Variants in GINM1 observed in about 807,000 individuals in gnomAD.
The protein encoded by GINM1 is glycosylated integral membrane protein 1.
GINM1 carries 29 observed loss-of-function variants against 37.8 expected under a neutral mutation model. The observed-to-expected ratio is 0.77, with a 90% CI of 0.57 to 1.05. GINM1 has a LOEUF of 1.05. Among genes scored for constraint, GINM1 ranks in the 50% least tolerant of loss-of-function variants. The pLI, the probability that GINM1 is intolerant of heterozygous loss-of-function variation, is 0.00. For synonymous variants in GINM1, 143 were observed against 146.2 expected (o/e 0.98, Z 0.16); for missense variants, 377 against 397.9 (o/e 0.95, Z 0.45).
chr6:149,570,264 C>G (rs1021029468), intron 1 of GINM1, among the ~76,000 whole-genome samples: 2 of 142,482 alleles, frequency 1.4e-5, no homozygotes, highest in African/African-American at 2.6e-5. Flanking sequence ...AAATGGTTTC[C>G]TAGAACAACA....
chr6:149,580,561 AT>A, intron 5 of GINM1, 31 bp from the exon 6 acceptor site: 1 of 1,591,452 alleles, frequency 6.3e-7, no homozygotes, highest in Non-Finnish European at 8.6e-7. Flanking sequence ...AGACACCAGC[AT>A]TTTGGTAACG....
intron 7 of GINM1, among the ~76,000 whole-genome samples, chr6:149,589,822 A>G (rs1006146693): frequency 6.6e-6 from 1 of 151,960 alleles, no homozygotes. Flanking sequence ...TTTTTGAGAC[A>G]GGGGCTAACT....
chr6:149,576,517 A>G (rs1012056729), intron 3 of GINM1, among the ~76,000 whole-genome samples: 1 of 152,170 alleles, frequency 6.6e-6, no homozygotes, highest in Non-Finnish European at 1.5e-5. Flanking sequence ...TTGGGAGGCT[A>G]AGGCTGGAGG....
intron 7 of GINM1, among the ~76,000 whole-genome samples, chr6:149,585,657 A>G (rs1399892593): frequency 1.3e-5 from 2 of 152,164 alleles, no homozygotes; most frequent in Admixed American, 6.5e-5. Flanking sequence ...CAGTGGCACA[A>G]TCTCGGCTCG....
chr6:149,586,070 T>C (rs1052825987), intron 7 of GINM1, among the ~76,000 whole-genome samples: 18 of 152,180 alleles, frequency 1.2e-4, no homozygotes, highest in African/African-American at 4.3e-4. Context: ...TTAAGCCATT[T>C]TGTGTTGCTT....
At position 149,569,665 on chromosome 6, in the gene GINM1, C is replaced by A. The variant is rs115977336; in HGVS notation, c.121-2620C>A. 1.6e-3 allele frequency among the ~76,000 whole-genome samples: 246 copies of A among 152,190 alleles called. 1 individual carries two copies. The highest frequency in any genetic ancestry group is 5.6e-3 in the African/African-American group (231 of 41,524). ...AAAATAAAAGTCTTTATAGTAAATT[C>A]TTCTAATACTAAAATAACTTGGTCA... On this transcript the variant is annotated intron_variant, in intron 1 of 7. Transcript: ENST00000367419.
intron 1 of GINM1, among the ~76,000 whole-genome samples, chr6:149,569,540 T>C (rs1019766010): frequency 6.6e-6 from 1 of 150,416 alleles, no homozygotes; most frequent in African/African-American, 2.5e-5. Flanking sequence ...GGTTTCACCA[T>C]GTTGGCTAGC....
At chr6:149,577,318 G>A (rs542047354) in intron 3 of GINM1, 2 of 152,334 alleles carry the variant, frequency 1.3e-5, no homozygotes, top group African/African-American at 4.8e-5. Flanking sequence ...GGAGACCCAC[G>A]GGTGGTAATG....
At chr6:149,579,778 T>G (rs1486624451) in intron 4 of GINM1, 56 bp from the exon 5 acceptor site, 2 of 1,158,706 alleles carry the variant, frequency 1.7e-6, no homozygotes, top group African/African-American at 3.2e-5. Context: ...GCTTTTAAAT[T>G]TTTATGGGGC....
At chr6:149,581,959 G>A (rs1187381395) in intron 6 of GINM1, 4 of 460,220 alleles carry the variant, frequency 8.7e-6, no homozygotes, top group South Asian at 1.6e-5. Context: ...TTCTGCTCTC[G>A]CTCTTAAAGT....
chr6:149,568,353 C>T (rs1777754351), intron 1 of GINM1, among the ~76,000 whole-genome samples: 1 of 152,226 alleles, frequency 6.6e-6, no homozygotes, highest in Non-Finnish European at 1.5e-5. Context: ...TGATCTAAGT[C>T]TTCTCAACGT....
chr6:149,574,081 G>C (rs1469448164), intron 3 of GINM1, among the ~76,000 whole-genome samples: 9 of 119,950 alleles, frequency 7.5e-5, no homozygotes, highest in African/African-American at 2.8e-4. Context: ...TGGAGTTTTT[G>C]CTCTTGTTGT....
In GINM1 at chr6:149,582,454, G is replaced by T. The variant is rs1054260366; in HGVS notation, c.732G>T (p.Trp244Cys). The T allele has an allele frequency of 2.5e-6, 4 of 1,605,122 alleles. No individual in the cohort carries two copies. The African/African-American group carries it at 5.4e-5, about 22-fold the overall frequency. ...TCCTTTTTCAGGTAATGTGTCAGTG[G>T]ATGGAAAAGTTTAGAAAAGATCTGT... is the stretch of plus-strand genomic sequence containing the variant. Reference protein sequence around the residue: ...PPSSYKVMCQWMEKFRKDLCR... With the variant: ...PPSSYKVMCQCMEKFRKDLCR... The change falls in exon 7 of 8, where the codon TGG (tryptophan) becomes TGT (cysteine). Residue 244 changes from tryptophan (W) to cysteine (C), a missense_variant. Transcript: ENST00000367419.
At chr6:149,583,546 T>C (rs140088766) in intron 7 of GINM1, among the ~76,000 whole-genome samples, 234 of 151,796 alleles carry the variant, frequency 1.5e-3, no homozygotes, top group African/African-American at 4.3e-3. Flanking sequence ...GGAGAATCGC[T>C]TGAACCCGGA....
chr6:149,571,341 C>T (rs1777819286), intron 1 of GINM1, among the ~76,000 whole-genome samples: 1 of 149,390 alleles, frequency 6.7e-6, no homozygotes, highest in South Asian at 2.1e-4. Flanking sequence ...GTCATTGCAA[C>T]TTTATTTATA....
In GINM1 at chr6:149,572,381, C is replaced by G. The variant is rs576738752; in HGVS notation, c.180+37C>G. 3 of 1,422,216 alleles carry G rather than the reference C, an allele frequency of 2.1e-6. No individual in the cohort carries two copies. In the South Asian group the frequency reaches 3.6e-5, roughly 17 times the overall value. 88.1% of individuals were successfully genotyped at this position (1,422,216 alleles called of 1,614,324 possible). ...TTTCTGGTTTTAATATATAATTTAG[C>G]TAAGTGCTATGCAGCTTATTTGATT... On this transcript the variant is annotated intron_variant, in intron 2 of 7. Transcript: ENST00000367419.
chr6:149,586,964 T>G (rs987906981), intron 7 of GINM1, among the ~76,000 whole-genome samples: 2 of 152,088 alleles, frequency 1.3e-5, no homozygotes, highest in African/African-American at 4.8e-5. Flanking sequence ...TTTTAATTTA[T>G]TTTTTGTAGA....
chr6:149,572,650 TTTGTTG>T (rs568375038), intron 3 of GINM1, 47 bp downstream of exon 3: 35 of 1,126,588 alleles, frequency 3.1e-5, no homozygotes, highest in Middle Eastern at 4.1e-4. Flanking sequence ...TTTTTGTGTG[TTTGTTG>T]TTGTTGTTGT....
In GINM1 at chr6:149,566,530, C is replaced by G. The variant is rs1428957383; in HGVS notation, c.116C>G (p.Pro39Arg). 4 of 1,522,790 alleles carry G rather than the reference C, an allele frequency of 2.6e-6. No individual in the cohort carries two copies. Among genetic ancestry groups the G allele is most frequent in the Non-Finnish European group, 3.5e-6 (4 of 1,142,550 alleles). 94.3% of individuals were successfully genotyped at this position (1,522,790 alleles called of 1,614,324 possible). Reference protein sequence around the residue: ...APEPPPLSGAPQDGIRINVTT... With the variant: ...APEPPPLSGARQDGIRINVTT... ...GAGCCGCCGCCGCTGTCCGGAGCCC[C>G]ACAGGTAGGGCAGGGCGGGCCTGGC... Residue 39 changes from proline (P) to arginine (R), a missense_variant, in exon 1 of 8, where the codon CCA becomes CGA. Physicochemically the swap from Pro to Arg is moderately radical, Grantham distance 103. Transcript: ENST00000367419. This position sits in a 1 kb window ranked among gnomAD's most constrained non-coding sequence, Gnocchi z 4.4.
Sources: allele counts gnomAD v4.1 joint callset (sites outside exome capture counted in the v4.1 genomes callset), GRCh38; gene constraint gnomAD v4.1.1; non-coding constraint Gnocchi (gnomAD v3.1); transcripts MANE v1.5; gene names NCBI Gene and HGNC (gene_info 2026-07-23, HGNC 2026-07-21).